Variants in CALN1 observed in about 807,000 individuals in gnomAD.
CALN1 encodes calneuron 1.
In CALN1, 17 loss-of-function variants were observed where a neutral mutation model predicts 30.6. The observed-to-expected ratio is 0.56, with a 90% CI of 0.38 to 0.83. The LOEUF (loss-of-function observed/expected upper bound fraction) is 0.83, where lower values mean the gene tolerates loss of function less well. Among genes scored for constraint, CALN1 ranks in the 40% least tolerant of loss-of-function variants. The pLI, the probability that CALN1 is intolerant of heterozygous loss-of-function variation, is 0.00. For missense variants in CALN1, 291 were observed against 354.9 expected (o/e 0.82, Z 1.45); for synonymous variants, 156 against 131.4 (o/e 1.19, Z -1.28).
the CALN1 span, among the ~76,000 whole-genome samples, chr7:72,474,229 A>C: frequency 2.4e-3 from 366 of 152,316 alleles, no homozygotes; most frequent in African/African-American, 8.2e-3. Flanking sequence ...CTATATTTAA[A>C]TAATCCAAGG....
At chr7:71,790,371 AGAAAGAAAGAAAG>A (rs1793287065) in intron 6 of CALN1, among the ~76,000 whole-genome samples, 1 of 25,590 alleles carries the variant, frequency 3.9e-5, no homozygotes, top group African/African-American at 1.2e-4. Flanking sequence ...AAGAAAGAAA[AGAAAGAAAGAAAG>A]AAAGAAAGAA....
chr7:72,501,948 TACACAC>T, the CALN1 span, among the ~76,000 whole-genome samples: 7,980 of 71,762 alleles, frequency 0.11, 889 homozygotes, highest in African/African-American at 0.15. Context: ...TATATATATA[TACACAC>T]ATATATATAT....
chr7:72,010,838 AG>A (rs1429028687), intron 5 of CALN1, among the ~76,000 whole-genome samples: 1 of 151,056 alleles, frequency 6.6e-6, no homozygotes, highest in African/African-American at 2.4e-5. Flanking sequence ...GAAAAGAAAA[AG>A]AAAAAGAAAA....
intron 4 of CALN1, among the ~76,000 whole-genome samples, chr7:72,092,752 T>C (rs970326771): frequency 3.3e-5 from 5 of 152,130 alleles, no homozygotes; most frequent in Admixed American, 1.3e-4. Flanking sequence ...CTCAACACCC[T>C]TTGATAATAA....
chr7:71,830,116 T>C (rs1180401531), intron 5 of CALN1, among the ~76,000 whole-genome samples: 1 of 151,618 alleles, frequency 6.6e-6, no homozygotes, highest in Non-Finnish European at 1.5e-5. Context: ...TGATCTTGGC[T>C]CACTGCAACC....
At chr7:72,416,246 C>A (rs189581161), upstream of CALN1, among the ~76,000 whole-genome samples, 157 of 152,336 alleles carry the variant, frequency 1.0e-3, no homozygotes, top group African/African-American at 3.6e-3. Context: ...TTCTGAATAG[C>A]CTGCTCCTTA....
intron 6 of CALN1, among the ~76,000 whole-genome samples, chr7:71,805,480 TCA>T (rs1464606940): frequency 2.0e-5 from 3 of 152,190 alleles, no homozygotes; most frequent in Non-Finnish European, 2.9e-5. Flanking sequence ...TCTTGGCCCT[TCA>T]CAGTTAGGTG....
chr7:71,924,432 A>G (rs952361462), intron 5 of CALN1, among the ~76,000 whole-genome samples: 31 of 145,088 alleles, frequency 2.1e-4, no homozygotes, highest in South Asian at 2.1e-4. Context: ...AAGAATGTTT[A>G]TATATTACTT....
At chr7:71,957,788 G>A (rs1010918013) in intron 5 of CALN1, among the ~76,000 whole-genome samples, 1 of 152,060 alleles carries the variant, frequency 6.6e-6, no homozygotes, top group Admixed American at 6.6e-5. Context: ...GTTTCTGCTG[G>A]GCATGGTGGC....
chr7:72,216,693 G>C (rs1297080569), intron 3 of CALN1, among the ~76,000 whole-genome samples: 1 of 152,128 alleles, frequency 6.6e-6, no homozygotes, highest in Non-Finnish European at 1.5e-5. Context: ...AAATAAAGCA[G>C]GGGACAGTGA....
intron 3 of CALN1, among the ~76,000 whole-genome samples, chr7:72,124,494 A>G (rs993665610): frequency 6.6e-6 from 1 of 152,134 alleles, no homozygotes; most frequent in Non-Finnish European, 1.5e-5. Flanking sequence ...TTTAAAAATT[A>G]ACTGGGCATA....
At chr7:71,891,927 G>A (rs373246345) in intron 5 of CALN1, among the ~76,000 whole-genome samples, 104 of 151,498 alleles carry the variant, frequency 6.9e-4, no homozygotes, top group African/African-American at 2.4e-3. Context: ...CTGGGCAACA[G>A]AGTGAGACTC....
rs1395596570 is a variant in CALN1 at position 72,142,676 on chromosome 7, C to T, written c.245-36382G>A. ...AGATCTGAGAATGAACAGACTGCCTCCTCAAGTGGGTCCTTGACCCCCGAG... is the reference window on the plus strand; with the variant it reads ...AGATCTGAGAATGAACAGACTGCCTTCTCAAGTGGGTCCTTGACCCCCGAG... On this transcript the variant is annotated intron_variant, in intron 3 of 6. Transcript: ENST00000395275. Among the ~76,000 whole-genome samples the T allele has an allele frequency of 2.6e-5, 4 of 152,180 alleles. No homozygotes were observed. The East Asian group carries it at 7.7e-4, about 29-fold the overall frequency.
the CALN1 span, among the ~76,000 whole-genome samples, chr7:72,473,125 T>C: frequency 2.8e-4 from 43 of 151,922 alleles, no homozygotes; most frequent in African/African-American, 7.5e-4. Flanking sequence ...TTTTGTTTTT[T>C]TTTTTTAAGA....
chr7:71,784,342 T>C lies in CALN1; in HGVS notation c.*3433A>G, dbSNP rs747273755. ...AGAGTCAGGTTGCACTCAGGCTGAA[T>C]TGGAGTGTTCTTTAAGAAAATGTTC... On this transcript the variant is annotated 3_prime_UTR_variant, in exon 7 of 7. Coordinates refer to ENST00000395275, the MANE Select transcript of CALN1 (RefSeq NM_031468.4). 2.0e-5 allele frequency: 3 copies of C among 152,742 alleles called. No homozygotes were observed. Among genetic ancestry groups the C allele is most frequent in the African/African-American group, 4.8e-5 (2 of 41,468 alleles). 9.5% of individuals were successfully genotyped at this position (152,742 alleles called of 1,614,324 possible). A position where few individuals can be genotyped will look rare whatever the true frequency, so the allele number is the denominator to read the frequency against.
intron 3 of CALN1, among the ~76,000 whole-genome samples, chr7:72,209,190 T>TCCTTCCC (rs1792146151): frequency 1.1e-5 from 1 of 90,898 alleles, no homozygotes; most frequent in Non-Finnish European, 2.2e-5. Flanking sequence ...CCTTCCCTCT[T>TCCTTCCC]TCCTTCCCTC....
At chr7:72,185,620 G>A (rs1395381168) in intron 3 of CALN1, among the ~76,000 whole-genome samples, 1 of 152,194 alleles carries the variant, frequency 6.6e-6, no homozygotes, top group Non-Finnish European at 1.5e-5. Context: ...TTAGCTCTGT[G>A]TCCCCACCCA....
At chr7:72,406,628 C>CTTTTTTT (rs71914682) in intron 1 of CALN1, among the ~76,000 whole-genome samples, 35,011 of 144,468 alleles carry the variant, frequency 0.24, 5,406 homozygotes, top group East Asian at 0.44. Context: ...TTTTTTTTTT[C>CTTTTTTT]TTTTTTAAGA....
intron 1 of CALN1, among the ~76,000 whole-genome samples, chr7:72,411,758 G>C (rs952513525): frequency 3.3e-5 from 5 of 152,150 alleles, no homozygotes. Context: ...CCTGAAAATT[G>C]ACATGAATGT....
Sources: gnomAD v4.1 joint callset for allele counts (sites outside exome capture counted in the v4.1 genomes callset) on GRCh38, gnomAD v4.1.1 for gene constraint, MANE v1.5 for transcripts, NCBI Gene and HGNC (gene_info 2026-07-23, HGNC 2026-07-21) for gene names.